The following RARB variants were observed in gnomAD, a reference collection of about 807,000 sequenced individuals.
The protein encoded by RARB is HBV-activated protein.
Under a neutral mutation model 51.9 loss-of-function variants are expected in RARB, and 17 were observed. The observed-to-expected ratio is 0.33, with a 90% confidence interval of 0.22 to 0.49. The LOEUF (loss-of-function observed/expected upper bound fraction) is 0.49. RARB is among the 20% of genes least tolerant of loss of function. The pLI, the probability that RARB is intolerant of heterozygous loss-of-function variation, is 0.99. For synonymous variants in RARB, 215 were observed against 195.4 expected (o/e 1.10, Z -0.84); for missense variants, 369 against 550.8 (o/e 0.67, Z 3.30).
intron 5 of RARB, among the ~76,000 whole-genome samples, chr3:25,241,869 T>C (rs887528001): frequency 6.6e-6 from 1 of 152,234 alleles, no homozygotes; most frequent in Admixed American, 6.5e-5. Context: ...TAGTTCTAGA[T>C]CCTTGAGGAA....
At position 25,028,978 on chromosome 3, in the gene RARB, G is replaced by T. The variant is rs547780584; in HGVS notation, c.-379-31147G>T. On this transcript the variant is annotated intron_variant, in intron 2 of 11. Coordinates refer to the RARB transcript ENST00000383772. The stretch of plus-strand genomic sequence containing the variant: ...GCCTGCCTGTTTGCCGCTGGCAAAG[G>T]GAGCCCAGGCGTGTTCTCAACTCTG... Among the ~76,000 whole-genome samples the T allele has an allele frequency of 4.6e-5, 7 of 152,278 alleles. No homozygotes were observed. The South Asian group carries it at 1.5e-3, about 32-fold the overall frequency.
chr3:25,279,259 C>T (rs1027627550), intron 5 of RARB, among the ~76,000 whole-genome samples: 8 of 152,192 alleles, frequency 5.3e-5, no homozygotes, highest in South Asian at 2.1e-4. Context: ...CTTCTACTCA[C>T]CACACAGCTT....
intron 2 of RARB, among the ~76,000 whole-genome samples, chr3:24,948,872 G>A (rs1472185720): frequency 2.0e-5 from 3 of 152,080 alleles, no homozygotes; most frequent in Non-Finnish European, 4.4e-5. Context: ...AGCATCCTGG[G>A]GCCCTCACCA....
chr3:24,979,459 T>G (rs1696593132), intron 2 of RARB, among the ~76,000 whole-genome samples: 1 of 152,218 alleles, frequency 6.6e-6, no homozygotes, highest in Admixed American at 6.5e-5. Context: ...AGTTAGCTCT[T>G]CTTGTTGGAT....
intron 3 of RARB, among the ~76,000 whole-genome samples, chr3:25,074,019 A>G (rs1006867502): frequency 2.0e-5 from 3 of 152,208 alleles, no homozygotes; most frequent in African/African-American, 7.2e-5. Flanking sequence ...TCATTGGACA[A>G]ATATTTCTCA....
At position 25,319,633 on chromosome 3, in the gene RARB, G is replaced by A. The variant is rs138291112; in HGVS notation, c.179-141560G>A. ...AATTCCGTTCAACATGATTGCATGC[G>A]TGCATGGCAGTTTTGATTTTTTTTC... On this transcript the variant is annotated intron_variant, in intron 5 of 11. Coordinates refer to the RARB transcript ENST00000383772. Among the ~76,000 whole-genome samples, 66 of 136,550 alleles carry A rather than the reference G, an allele frequency of 4.8e-4. 1 individual carries two copies. In the East Asian group the frequency reaches 0.017, roughly 35 times the overall value. 89.6% of individuals were successfully genotyped at this position (136,550 alleles called of 152,430 possible).
intron 5 of RARB, among the ~76,000 whole-genome samples, chr3:25,227,467 T>A (rs761241076): frequency 2.9e-4 from 44 of 152,124 alleles, no homozygotes; most frequent in Non-Finnish European, 5.0e-4. Context: ...CTATATTACA[T>A]ATATATTTCC....
intron 2 of RARB, among the ~76,000 whole-genome samples, chr3:24,932,620 A>C (rs930217707): frequency 6.6e-6 from 1 of 152,118 alleles, no homozygotes; most frequent in African/African-American, 2.4e-5. Flanking sequence ...TATCATGGTT[A>C]AGTGGTTCTG....
chr3:24,933,358 T>C (rs13074839), intron 2 of RARB, among the ~76,000 whole-genome samples: 32,417 of 152,042 alleles, frequency 0.21, 3,778 homozygotes, highest in East Asian at 0.33. Flanking sequence ...TCTTCTATAC[T>C]GTTTTTCTAA....
At chr3:25,402,496 C>A (rs917373462) in intron 5 of RARB, among the ~76,000 whole-genome samples, 9 of 152,162 alleles carry the variant, frequency 5.9e-5, no homozygotes, top group Admixed American at 4.6e-4. Context: ...AAAGAGATAC[C>A]TGCACTCCTC....
At chr3:25,039,433 G>A (rs1012694493) in intron 2 of RARB, among the ~76,000 whole-genome samples, 1 of 152,282 alleles carries the variant, frequency 6.6e-6, no homozygotes, top group South Asian at 2.1e-4. Flanking sequence ...GATGTGTTCA[G>A]TAACTTACTA....
At chr3:25,190,012 T>G (rs1365424583) in intron 5 of RARB, among the ~76,000 whole-genome samples, 1 of 152,102 alleles carries the variant, frequency 6.6e-6, no homozygotes, top group Non-Finnish European at 1.5e-5. Flanking sequence ...GAAGTAATGT[T>G]TAGGAGAGAC....
intron 1 of RARB, among the ~76,000 whole-genome samples, chr3:25,435,912 C>A (rs922233773): frequency 1.3e-5 from 2 of 152,104 alleles, no homozygotes; most frequent in South Asian, 2.1e-4. Flanking sequence ...TACTAAAATA[C>A]CGTTGTTGCC....
At chr3:25,148,411 A>G (rs1033852112) in intron 4 of RARB, among the ~76,000 whole-genome samples, 1 of 152,238 alleles carries the variant, frequency 6.6e-6, no homozygotes, top group Non-Finnish European at 1.5e-5. Context: ...TTACAAAATC[A>G]TTGGATCAGG....
At chr3:24,860,615 T>C (rs577872024) in intron 2 of RARB, among the ~76,000 whole-genome samples, 2 of 152,120 alleles carry the variant, frequency 1.3e-5, no homozygotes, top group South Asian at 4.1e-4. Flanking sequence ...ATTTGAGGCA[T>C]GCTGATTGAA....
At chr3:25,073,973 T>C (rs934098578) in intron 3 of RARB, among the ~76,000 whole-genome samples, 3 of 152,224 alleles carry the variant, frequency 2.0e-5, no homozygotes, top group Admixed American at 6.5e-5. Flanking sequence ...AAATAGTCTA[T>C]GCCTCAGTAC....
chr3:24,857,490 T>A (rs1241517069), intron 1 of RARB, among the ~76,000 whole-genome samples: 1 of 152,236 alleles, frequency 6.6e-6, no homozygotes, highest in African/African-American at 2.4e-5. Context: ...AATACAAATA[T>A]GTCTCAAATA....
intron 5 of RARB, among the ~76,000 whole-genome samples, chr3:25,223,700 G>A (rs76808211): frequency 0.012 from 1,853 of 152,234 alleles, 22 homozygotes; most frequent in Middle Eastern, 0.041. Flanking sequence ...CTCAAAATAA[G>A]AGTAAAATAT....
In RARB at chr3:25,083,220, C is replaced by T. The variant is rs9812162; in HGVS notation, c.-328+23044C>T. Among the ~76,000 whole-genome samples, 548 of 151,844 alleles carry T rather than the reference C, an allele frequency of 3.6e-3. 3 individuals are homozygous for T. Among genetic ancestry groups the T allele is most frequent in the African/African-American group, 0.013 (531 of 41,276 alleles). ...TCTGATATAATTTTATGGAAGATTA[C>T]TGATTATTTTTTGCTCAAATATTTC... On this transcript the variant is annotated intron_variant, in intron 3 of 11. Coordinates refer to the RARB transcript ENST00000383772.
Sources: gnomAD v4.1 joint callset for allele counts (sites outside exome capture counted in the v4.1 genomes callset) on GRCh38, gnomAD v4.1.1 for gene constraint, MANE v1.5 for transcripts, NCBI Gene and HGNC (gene_info 2026-07-23, HGNC 2026-07-21) for gene names.